LACTBL1: variants seen among roughly 807,000 people sequenced by gnomAD.
LACTBL1 encodes lactamase beta like 1.
Under a neutral mutation model 39.6 loss-of-function variants are expected in LACTBL1, and 29 were observed. That is an observed-to-expected ratio of 0.73 (90% CI 0.55 to 1.00). LACTBL1 has a LOEUF of 1.00. LACTBL1 is among the 50% of genes least tolerant of loss of function. The pLI is 0.00. For missense variants in LACTBL1, 711 were observed against 748.5 expected (o/e 0.95, Z 0.59); for synonymous variants, 361 against 360.7 (o/e 1.00, Z -0.01).
intron 1 of LACTBL1, among the ~76,000 whole-genome samples, chr1:22,963,907 C>T (rs1216962286): frequency 1.3e-5 from 2 of 152,144 alleles, no homozygotes; most frequent in Non-Finnish European, 2.9e-5. Context: ...GACAAGGTCC[C>T]TGCGGTAGGT....
intron 4 of LACTBL1, among the ~76,000 whole-genome samples, chr1:22,956,347 G>A (rs1286896247): frequency 6.6e-6 from 1 of 151,978 alleles, no homozygotes; most frequent in Admixed American, 6.6e-5. Context: ...CTCCAGCATG[G>A]GAAACAGAGT....
exon 3 of LACTBL1, chr1:22,959,959 A>C: frequency 6.4e-7 from 1 of 1,551,148 alleles, no homozygotes; most frequent in Non-Finnish European, 8.7e-7. Context: ...TGGTGTACTC[A>C]TTGGGGGCCC....
At chr1:22,961,480 C>T (rs569815236) in intron 2 of LACTBL1, among the ~76,000 whole-genome samples, 59 of 152,302 alleles carry the variant, frequency 3.9e-4, no homozygotes, top group Admixed American at 2.2e-3. Context: ...TCTCCTGCCT[C>T]AGCCCCCCGA....
upstream of LACTBL1, among the ~76,000 whole-genome samples, chr1:22,968,717 C>T (rs1485368151): frequency 6.6e-6 from 1 of 152,170 alleles, no homozygotes; most frequent in African/African-American, 2.4e-5. Flanking sequence ...CTTACCACTG[C>T]GTGACCTTAA....
At chr1:22,958,570 G>T in intron 4 of LACTBL1, 115 bp downstream of exon 6, 1 of 815,656 alleles carries the variant, frequency 1.2e-6, no homozygotes, top group Non-Finnish European at 1.9e-6. Context: ...AGGGACGTAG[G>T]GCCAGTTCAG....
At chr1:22,972,390 A>C in the LACTBL1 span, 2 of 985,118 alleles carry the variant, frequency 2.0e-6, no homozygotes, top group Non-Finnish European at 2.4e-6. Flanking sequence ...GTAAGCAGGA[A>C]ACTGAGTCAG....
the LACTBL1 span, among the ~76,000 whole-genome samples, chr1:22,971,583 T>C: frequency 6.6e-6 from 1 of 152,002 alleles, no homozygotes; most frequent in Non-Finnish European, 1.5e-5. Flanking sequence ...CACGGCCCAC[T>C]CTGGGACAAC....
At chr1:22,971,616 T>G in the LACTBL1 span, among the ~76,000 whole-genome samples, 1 of 152,152 alleles carries the variant, frequency 6.6e-6, no homozygotes, top group African/African-American at 2.4e-5. Flanking sequence ...AGTTATTCAT[T>G]CAGAAAACAA....
chr1:22,968,408 G>A (rs567895405), upstream of LACTBL1, among the ~76,000 whole-genome samples: 4 of 152,144 alleles, frequency 2.6e-5, no homozygotes, highest in African/African-American at 4.8e-5. Context: ...ATTTATGCTC[G>A]TCCCACCTTT....
the LACTBL1 span, among the ~76,000 whole-genome samples, chr1:22,971,507 C>A: frequency 7.6e-3 from 1,033 of 136,472 alleles, 11 homozygotes; most frequent in African/African-American, 0.026. Context: ...GGCTCCACCA[C>A]CCCCCAACCC....
exon 6 of LACTBL1, chr1:22,953,499 G>A: frequency 1.6e-6 from 2 of 1,231,784 alleles, no homozygotes; most frequent in Non-Finnish European, 2.0e-6. Context: ...CCACCAGGTC[G>A]GGCCCGGGCG....
At chr1:22,971,471 G>C in the LACTBL1 span, among the ~76,000 whole-genome samples, 2 of 151,478 alleles carry the variant, frequency 1.3e-5, no homozygotes, top group African/African-American at 4.9e-5. Flanking sequence ...GAAGAACCAG[G>C]CTCTCCCAAA....
intron 4 of LACTBL1, among the ~76,000 whole-genome samples, chr1:22,956,967 C>G (rs1392765734): frequency 6.6e-6 from 1 of 152,106 alleles, no homozygotes; most frequent in East Asian, 1.9e-4. Context: ...ATGTTTCAAT[C>G]TCTTTAGCTC....
intron 4 of LACTBL1, among the ~76,000 whole-genome samples, chr1:22,957,640 CTTTTTTTTTTTTT>C (rs34603019): frequency 3.5e-5 from 2 of 56,682 alleles, no homozygotes; most frequent in African/African-American, 7.6e-5. Flanking sequence ...TCTTAATATT[CTTTTTTTTTTTTT>C]TTTTTTTTTT....
exon 2 of LACTBL1, chr1:22,963,197 C>T: frequency 7.4e-7 from 1 of 1,350,470 alleles, no homozygotes; most frequent in Non-Finnish European, 9.6e-7. Context: ...GGGCAGAGGT[C>T]TCCTCTGGTC....
upstream of LACTBL1, among the ~76,000 whole-genome samples, chr1:22,967,360 C>T (rs543353116): frequency 2.5e-4 from 38 of 151,962 alleles, no homozygotes; most frequent in African/African-American, 8.9e-4. Context: ...CAGAGTGAGA[C>T]CCTGTCTCAA....
chr1:22,965,488 C>G (rs1640867808), upstream of LACTBL1: 1 of 1,195,592 alleles, frequency 8.4e-7, no homozygotes, highest in Non-Finnish European at 1.0e-6. Flanking sequence ...AGAGAGGGAC[C>G]CTAACCCTGG....
At chr1:22,969,526 G>A (rs553729889), upstream of LACTBL1, among the ~76,000 whole-genome samples, 3 of 152,212 alleles carry the variant, frequency 2.0e-5, no homozygotes, top group African/African-American at 7.2e-5. Context: ...TGTGCCAGAC[G>A]CTGTTCTACA....
chr1:22,963,116 G>A, exon 2 of LACTBL1: 1 of 1,286,226 alleles, frequency 7.8e-7, no homozygotes, highest in Non-Finnish European at 9.9e-7. Context: ...CCTTTTCCAG[G>A]GCCTCCTTCA....
Sources: gnomAD v4.1 joint callset for allele counts (sites outside exome capture counted in the v4.1 genomes callset) on GRCh38, gnomAD v4.1.1 for gene constraint, MANE v1.5 for transcripts, NCBI Gene and HGNC (gene_info 2026-07-23, HGNC 2026-07-21) for gene names.